Variants in FAF1 observed in about 807,000 individuals in gnomAD.
FAF1 encodes the protein FAS-associated factor 1.
Under a neutral mutation model 92.5 loss-of-function variants are expected in FAF1, and 25 were observed. The observed-to-expected ratio is 0.27, with a 90% CI of 0.20 to 0.38. The LOEUF is 0.38. Ranked by LOEUF, FAF1 falls within the 10% of genes least tolerant of loss-of-function variation. FAF1 has a pLI of 1.00. For synonymous variants in FAF1, 234 were observed against 273.2 expected, an observed-to-expected ratio of 0.86 and a Z score of 1.42; for missense variants, 636 against 793.3, an observed-to-expected ratio of 0.80 and a Z score of 2.38.
intron 2 of FAF1, among the ~76,000 whole-genome samples, chr1:50,852,157 T>C (rs1221058443): frequency 1.3e-5 from 2 of 152,152 alleles, no homozygotes; most frequent in Non-Finnish European, 2.9e-5. Flanking sequence ...AAAGCCACAA[T>C]AGGTAGAAAT....
Position 50,857,930 on chromosome 1 carries a change from A to C in FAF1, c.113T>G (p.Val38Gly). 1 of 1,587,194 alleles carries C rather than the reference A, an allele frequency of 6.3e-7. No individual in the cohort carries two copies. Among genetic ancestry groups the C allele is most frequent in the East Asian group, 2.3e-5 (1 of 44,038 alleles). Residue 38 changes from valine (V) to glycine (G), a missense_variant and splice_region_variant, in exon 2 of 19, where the codon GTG (valine) becomes GGG (glycine). Physicochemically the swap from Val to Gly is moderately radical, Grantham distance 109 (BLOSUM62 -3). Transcript: ENST00000396153. ...TLLEQNNWDL[V>G]AAINGVIPQE... Reference sequence around the variant, plus strand: ...TCAGAGAAAGAAAAAAGTACTTACCACTAAGTCCCAATTATTTTGTTCAAG... The same window carrying C: ...TCAGAGAAAGAAAAAAGTACTTACCCCTAAGTCCCAATTATTTTGTTCAAG...
At chr1:50,572,953 C>G (rs146053323) in intron 12 of FAF1, among the ~76,000 whole-genome samples, 1,677 of 152,188 alleles carry the variant, frequency 0.011, 36 homozygotes, top group African/African-American at 0.039. Flanking sequence ...CCTGACCTGG[C>G]CTCCCAAAAT....
chr1:50,448,971 C>G (rs1375845472), intron 18 of FAF1, among the ~76,000 whole-genome samples: 1 of 125,690 alleles, frequency 8.0e-6, no homozygotes, highest in African/African-American at 3.0e-5. Context: ...TCTGTTTGGT[C>G]TTGATTAAAA....
intron 1 of FAF1, among the ~76,000 whole-genome samples, chr1:50,952,430 A>G (rs1645223274): frequency 6.6e-6 from 1 of 152,152 alleles, no homozygotes; most frequent in Non-Finnish European, 1.5e-5. Flanking sequence ...CCCAGGCTGG[A>G]GTGCAGTGGC....
intron 15 of FAF1, among the ~76,000 whole-genome samples, chr1:50,507,472 C>T (rs2149020177): frequency 6.6e-6 from 1 of 152,274 alleles, no homozygotes; most frequent in East Asian, 1.9e-4. Context: ...GGTACAGTGG[C>T]TCATGCCTGT....
At chr1:50,952,202 T>C (rs1221560222) in intron 1 of FAF1, among the ~76,000 whole-genome samples, 1 of 152,074 alleles carries the variant, frequency 6.6e-6, no homozygotes, top group Non-Finnish European at 1.5e-5. Context: ...CACTGCAACC[T>C]CCCTGCCTGA....
chr1:50,872,013 C>T (rs548933662), intron 1 of FAF1, among the ~76,000 whole-genome samples: 5 of 145,476 alleles, frequency 3.4e-5, no homozygotes, highest in African/African-American at 1.0e-4. Flanking sequence ...TGCAGTGAGC[C>T]GAGATTGCGC....
chr1:50,717,108 C>G (rs1483132865), intron 6 of FAF1, among the ~76,000 whole-genome samples: 1 of 152,210 alleles, frequency 6.6e-6, no homozygotes, highest in Non-Finnish European at 1.5e-5. Context: ...AGGTCCGCGG[C>G]TTCATTCTTG....
At chr1:50,606,320 A>G (rs974907498) in intron 8 of FAF1, among the ~76,000 whole-genome samples, 2 of 152,110 alleles carry the variant, frequency 1.3e-5, no homozygotes, top group African/African-American at 4.8e-5. Flanking sequence ...TTTCCATACC[A>G]AAGATATCCA....
At chr1:50,565,338 G>A (rs532775921) in intron 13 of FAF1, among the ~76,000 whole-genome samples, 2 of 152,022 alleles carry the variant, frequency 1.3e-5, no homozygotes, top group South Asian at 2.1e-4. Flanking sequence ...AAATTTTCAT[G>A]ACAGTTGCTT....
intron 17 of FAF1, among the ~76,000 whole-genome samples, chr1:50,480,070 T>C (rs574995179): frequency 6.6e-6 from 1 of 152,346 alleles, no homozygotes; most frequent in Non-Finnish European, 1.5e-5. Context: ...TCAACAAATA[T>C]AGTTTATTTG....
At chr1:50,695,322 C>T (rs989108482) in intron 7 of FAF1, among the ~76,000 whole-genome samples, 30 of 151,720 alleles carry the variant, frequency 2.0e-4, no homozygotes, top group Admixed American at 1.3e-3. Context: ...GCAGGAGAAT[C>T]GCTTGAACCT....
intron 1 of FAF1, among the ~76,000 whole-genome samples, chr1:50,860,573 A>G (rs1330649443): frequency 6.6e-6 from 1 of 151,706 alleles, no homozygotes; most frequent in East Asian, 1.9e-4. Flanking sequence ...AGTCAAAGTG[A>G]CTATTATTAA....
At chr1:50,442,562 T>C (rs1185062184) in intron 18 of FAF1, among the ~76,000 whole-genome samples, 2 of 152,176 alleles carry the variant, frequency 1.3e-5, no homozygotes, top group Admixed American at 1.3e-4. Context: ...ACTCCAAGTG[T>C]GTGATGGGAG....
At chr1:50,775,848 A>C (rs1660939462) in intron 4 of FAF1, among the ~76,000 whole-genome samples, 1 of 152,176 alleles carries the variant, frequency 6.6e-6, no homozygotes, top group South Asian at 2.1e-4. Context: ...AATTCTATCA[A>C]GTCTAAGTAT....
chr1:50,912,602 C>G (rs944827441), intron 1 of FAF1, among the ~76,000 whole-genome samples: 1 of 152,186 alleles, frequency 6.6e-6, no homozygotes, highest in Non-Finnish European at 1.5e-5. Flanking sequence ...ACAACCTACA[C>G]AGATGCTTGA....
chr1:50,726,242 C>A (rs976796360), intron 6 of FAF1, among the ~76,000 whole-genome samples: 2 of 151,828 alleles, frequency 1.3e-5, no homozygotes, highest in Non-Finnish European at 2.9e-5. Context: ...GGTGACAGAG[C>A]AAGACTCAAT....
At chr1:50,522,752 T>C (rs1647570827) in intron 15 of FAF1, among the ~76,000 whole-genome samples, 1 of 152,248 alleles carries the variant, frequency 6.6e-6, no homozygotes, top group Non-Finnish European at 1.5e-5. Context: ...GTGCTCTTTA[T>C]TATTATTGTA....
chr1:50,854,540 T>C (rs897964354), intron 2 of FAF1, among the ~76,000 whole-genome samples: 5 of 152,010 alleles, frequency 3.3e-5, no homozygotes, highest in African/African-American at 4.8e-5. Context: ...TTAGTACATG[T>C]AACTTTGTTT....
Sources: allele counts gnomAD v4.1 joint callset (sites outside exome capture counted in the v4.1 genomes callset), GRCh38; gene constraint gnomAD v4.1.1; transcripts MANE v1.5; gene names NCBI Gene and HGNC (gene_info 2026-07-23, HGNC 2026-07-21).